The following CTNNA2 variants were observed in gnomAD, a reference collection of about 807,000 sequenced individuals.
The protein encoded by CTNNA2 is catenin alpha-2.
CTNNA2 carries 42 observed loss-of-function variants against 101.0 expected under a neutral mutation model. The ratio of observed to expected loss-of-function variants is 0.42; its 90% CI spans 0.32 to 0.54. CTNNA2 has a LOEUF of 0.54. Ranked by LOEUF, CTNNA2 falls within the 20% of genes least tolerant of loss-of-function variation. The probability of loss-of-function intolerance (pLI) is 0.14; values close to 1 mark genes in which losing one functional copy is unlikely to be tolerated. For missense variants in CTNNA2, 871 were observed against 1,223.1 expected, an observed-to-expected ratio of 0.71 and a Z score of 4.29; for synonymous variants, 450 against 456.4, an observed-to-expected ratio of 0.99 and a Z score of 0.18.
chr2:80,275,514 A>G (rs533976814), intron 7 of CTNNA2, among the ~76,000 whole-genome samples: 2 of 152,292 alleles, frequency 1.3e-5, no homozygotes, highest in East Asian at 3.9e-4. Context: ...AGCCTTTGAG[A>G]TAAGTTTTGT....
chr2:79,610,163 A>G lies in CTNNA2; in HGVS notation c.-5-41389A>G, dbSNP rs189929332. On this transcript the variant is annotated intron_variant, in intron 1 of 18. Transcript: ENST00000402739. ...ATAAATATGGCAAATAAGCACGTGA[A>G]AATAATTTCAGCATCATTGGTCACT... Among the ~76,000 whole-genome samples, 8 of 152,244 alleles carry G rather than the reference A, an allele frequency of 5.3e-5. No homozygotes were observed. In the East Asian group the frequency reaches 1.5e-3, roughly 29 times the overall value.
chr2:79,636,016 C>T (rs1395278075), intron 1 of CTNNA2, among the ~76,000 whole-genome samples: 2 of 149,856 alleles, frequency 1.3e-5, no homozygotes, highest in African/African-American at 4.9e-5. Flanking sequence ...CATCCCAGCA[C>T]TTTGGGAGGC....
intron 18 of CTNNA2, among the ~76,000 whole-genome samples, chr2:80,634,313 G>A (rs1034718347): frequency 6.6e-5 from 10 of 152,146 alleles, no homozygotes; most frequent in African/African-American, 2.2e-4. Context: ...TCACCAAGAT[G>A]CTGATATTTG....
chr2:80,279,087 A>T (rs1450639597), intron 7 of CTNNA2, among the ~76,000 whole-genome samples: 3 of 56,546 alleles, frequency 5.3e-5, no homozygotes, highest in African/African-American at 1.9e-4. Flanking sequence ...TGTGTGTGTG[A>T]AACAGAGAGA....
At chr2:79,909,278 T>C (rs1021768463) in intron 6 of CTNNA2, among the ~76,000 whole-genome samples, 1 of 152,246 alleles carries the variant, frequency 6.6e-6, no homozygotes, top group African/African-American at 2.4e-5. Context: ...TGAAATGTTC[T>C]TTCCTTAAAG....
chr2:79,694,094 C>G (rs1684497270), intron 2 of CTNNA2, among the ~76,000 whole-genome samples: 1 of 151,952 alleles, frequency 6.6e-6, no homozygotes, highest in Admixed American at 6.6e-5. Context: ...GGAGCATCTT[C>G]TTCTCACTTA....
intron 1 of CTNNA2, among the ~76,000 whole-genome samples, chr2:79,600,741 G>A (rs940184376): frequency 1.3e-5 from 2 of 152,078 alleles, no homozygotes; most frequent in East Asian, 1.9e-4. Flanking sequence ...TATTTCTCAC[G>A]GTTATGGAGG....
chr2:79,619,919 T>C (rs907104569), intron 1 of CTNNA2, among the ~76,000 whole-genome samples: 2 of 152,224 alleles, frequency 1.3e-5, no homozygotes, highest in African/African-American at 4.8e-5. Flanking sequence ...GCTGACTCAC[T>C]TGATTTTCAG....
At chr2:80,055,698 C>T (rs2104353108) in intron 7 of CTNNA2, among the ~76,000 whole-genome samples, 1 of 152,210 alleles carries the variant, frequency 6.6e-6, no homozygotes, top group South Asian at 2.1e-4. Context: ...CTCCAGTTTG[C>T]CAGTCTTAAC....
At chr2:79,984,798 C>T (rs759918097) in intron 7 of CTNNA2, among the ~76,000 whole-genome samples, 9 of 152,198 alleles carry the variant, frequency 5.9e-5, no homozygotes, top group Non-Finnish European at 1.0e-4. Context: ...ATCCTCTGAT[C>T]AGCAGCACTG....
In CTNNA2 at chr2:79,829,938, T is replaced by C. The variant is rs1031396129; in HGVS notation, c.299-28075T>C. Among the ~76,000 whole-genome samples, 86 of 152,116 alleles carry C rather than the reference T, an allele frequency of 5.7e-4. 1 individual carries two copies. The highest frequency in any genetic ancestry group is 1.7e-3 in the African/African-American group (72 of 41,534). ...GGGTTTCAAACATGGCCCAAATACA[T>C]GTTAAGGTATAAGGGACCTTATTCC... On this transcript the variant is annotated intron_variant, in intron 3 of 18. Transcript: ENST00000402739.
chr2:80,149,045 T>A lies in CTNNA2; in HGVS notation c.1056+239248T>A, dbSNP rs1703534036. Among the ~76,000 whole-genome samples the A allele has an allele frequency of 2.8e-5, 4 of 140,486 alleles. No homozygotes were observed. The South Asian group carries it at 7.4e-4, about 26-fold the overall frequency. 92.2% of individuals were successfully genotyped at this position (140,486 alleles called of 152,430 possible). A position where few individuals can be genotyped will look rare whatever the true frequency, so the allele number is the denominator to read the frequency against. On this transcript the variant is annotated intron_variant, in intron 7 of 18. Coordinates refer to ENST00000402739, the MANE Select transcript of CTNNA2 (RefSeq NM_001282597.3). Reference sequence around the variant, plus strand: ...GTTATTTTTTTTTTTTTTTTTTTTTTAAGACAAGTTATTTCTCTATCATCC... The same window carrying A: ...GTTATTTTTTTTTTTTTTTTTTTTTAAAGACAAGTTATTTCTCTATCATCC...
chr2:80,573,130 T>G (rs773115454), intron 12 of CTNNA2: 1 of 152,254 alleles, frequency 6.6e-6, no homozygotes, highest in South Asian at 2.1e-4. Flanking sequence ...ATGATGTTTC[T>G]ATTTTATCAT....
At chr2:80,093,369 G>A (rs908065723) in intron 7 of CTNNA2, among the ~76,000 whole-genome samples, 17 of 152,272 alleles carry the variant, frequency 1.1e-4, no homozygotes, top group Middle Eastern at 3.4e-3. Flanking sequence ...ATTCCATGGT[G>A]TACATGTGCC....
At chr2:79,265,538 C>A (rs374722581) in intron 2 of CTNNA2, among the ~76,000 whole-genome samples, 22 of 152,156 alleles carry the variant, frequency 1.4e-4, no homozygotes, top group Non-Finnish European at 1.3e-4. Context: ...ATCCCAGGAA[C>A]CTTTCTTTTC....
At chr2:79,215,212 T>C (rs887235404) in intron 2 of CTNNA2, among the ~76,000 whole-genome samples, 1 of 152,124 alleles carries the variant, frequency 6.6e-6, no homozygotes, top group Admixed American at 6.5e-5. Flanking sequence ...AGATGGGACG[T>C]GGCTTAGGAG....
intron 7 of CTNNA2, among the ~76,000 whole-genome samples, chr2:80,018,578 C>T (rs896833778): frequency 6.6e-6 from 1 of 152,064 alleles, no homozygotes; most frequent in African/African-American, 2.4e-5. Flanking sequence ...AAATCAAGAC[C>T]ATCCTGGCTA....
chr2:79,380,603 T>G (rs1291255041), intron 4 of CTNNA2, among the ~76,000 whole-genome samples: 4 of 152,182 alleles, frequency 2.6e-5, no homozygotes, highest in African/African-American at 4.8e-5. Context: ...TTATTTTTCC[T>G]TTTCTTCAAT....
Position 79,355,300 on chromosome 2 carries a change from T to C in CTNNA2, c.-317-18531T>C, listed in dbSNP as rs141886850. Among the ~76,000 whole-genome samples the C allele has an allele frequency of 6.4e-3, 982 of 152,302 alleles. 6 individuals carry two copies. The highest frequency in any genetic ancestry group is 0.023 in the African/African-American group (936 of 41,562). On this transcript the variant is annotated intron_variant, in intron 3 of 21. Coordinates refer to the CTNNA2 transcript ENST00000466387. ...GATTTGATAGGGAATACATTGAATA[T>C]GTAGCTTGCTTTGGACATTATGGTC...
Sources: gnomAD v4.1 joint callset for allele counts (sites outside exome capture counted in the v4.1 genomes callset) on GRCh38, gnomAD v4.1.1 for gene constraint, MANE v1.5 for transcripts, NCBI Gene and HGNC (gene_info 2026-07-23, HGNC 2026-07-21) for gene names.